TMEM161B: variants seen among roughly 807,000 people sequenced by gnomAD.
The protein encoded by TMEM161B is transmembrane protein 161B.
TMEM161B carries 34 observed loss-of-function variants against 61.8 expected under a neutral mutation model. The observed-to-expected ratio is 0.55, with a 90% CI of 0.42 to 0.73. The LOEUF (loss-of-function observed/expected upper bound fraction) is 0.73. Ranked by LOEUF, TMEM161B falls within the 30% of genes least tolerant of loss-of-function variation. TMEM161B has a pLI of 0.00. For synonymous variants in TMEM161B, 167 were observed against 192.8 expected (o/e 0.87, Z 1.11); for missense variants, 456 against 558.5 (o/e 0.82, Z 1.85).
intron 1 of TMEM161B, among the ~76,000 whole-genome samples, chr5:88,263,947 T>C (rs937263841): frequency 1.3e-5 from 2 of 152,060 alleles, no homozygotes; most frequent in African/African-American, 4.8e-5. Context: ...AACCTGAATG[T>C]TTCCTCTAAA....
chr5:88,233,139 G>T (rs1025179009), intron 2 of TMEM161B, among the ~76,000 whole-genome samples: 1 of 152,198 alleles, frequency 6.6e-6, no homozygotes, highest in African/African-American at 2.4e-5. Context: ...GCTAGGCAGA[G>T]GAGATATAAT....
downstream of TMEM161B, chr5:88,189,631 T>C (rs1002734849): frequency 1.3e-5 from 2 of 158,612 alleles, no homozygotes; most frequent in Non-Finnish European, 2.8e-5. Context: ...AGGGCATCTC[T>C]CATTTACCCA....
At chr5:88,253,817 A>G (rs1216996517) in intron 1 of TMEM161B, among the ~76,000 whole-genome samples, 2 of 152,118 alleles carry the variant, frequency 1.3e-5, no homozygotes, top group South Asian at 2.1e-4. Flanking sequence ...CAAAAGCAAA[A>G]TTTTTAAAAT....
At chr5:88,231,647 G>A (rs1425062792) in intron 2 of TMEM161B, among the ~76,000 whole-genome samples, 1 of 152,094 alleles carries the variant, frequency 6.6e-6, no homozygotes, top group East Asian at 1.9e-4. Flanking sequence ...CAACCTAAAA[G>A]TCCCTAAATT....
intron 2 of TMEM161B, among the ~76,000 whole-genome samples, chr5:88,239,341 C>T (rs552290909): frequency 7.2e-5 from 11 of 152,024 alleles, no homozygotes; most frequent in South Asian, 4.1e-4. Flanking sequence ...TTTAGAAACA[C>T]GCAATTCTCA....
intron 4 of TMEM161B, among the ~76,000 whole-genome samples, chr5:88,222,243 A>AT (rs1197446002): frequency 1.3e-5 from 2 of 151,914 alleles, no homozygotes; most frequent in Admixed American, 1.3e-4. Flanking sequence ...TAATTTTTTA[A>AT]TTTTTTGTAC....
At chr5:88,238,204 A>G (rs1006598580) in intron 2 of TMEM161B, among the ~76,000 whole-genome samples, 1 of 151,888 alleles carries the variant, frequency 6.6e-6, no homozygotes, top group Non-Finnish European at 1.5e-5. Context: ...AGTATTTTTG[A>G]TCCATGATTG....
Position 88,195,097 on chromosome 5 carries a change from T to C in TMEM161B, c.*1114A>G. On this transcript the variant is annotated 3_prime_UTR_variant, in exon 12 of 12. Transcript: ENST00000296595. Reference sequence around the variant, plus strand: ...CTGATTTGAGAGGGAAAGATTCTGATTTTTGGAAATGACAGAAAAAGAATT... The same window carrying C: ...CTGATTTGAGAGGGAAAGATTCTGACTTTTGGAAATGACAGAAAAAGAATT... The C allele has an allele frequency of 1.0e-6, 1 of 969,282 alleles. No individual in the cohort carries two copies. Among genetic ancestry groups the C allele is most frequent in the Non-Finnish European group, 1.2e-6 (1 of 815,014 alleles). 60.0% of individuals were successfully genotyped at this position (969,282 alleles called of 1,614,324 possible).
At chr5:88,247,995 T>C (rs758155462) in intron 1 of TMEM161B, among the ~76,000 whole-genome samples, 4 of 152,070 alleles carry the variant, frequency 2.6e-5, no homozygotes, top group Non-Finnish European at 5.9e-5. Flanking sequence ...GAGGATTCTA[T>C]GAGAAATTAT....
At chr5:88,199,204 G>A in intron 9 of TMEM161B, 54 bp from the exon 10 acceptor site, 1 of 1,512,958 alleles carries the variant, frequency 6.6e-7, no homozygotes, top group Admixed American at 2.1e-5. Context: ...ATGCTAGCAT[G>A]CTCGTTATAT....
Position 88,199,032 on chromosome 5 carries a change from C to T in TMEM161B, c.1033G>A (p.Val345Met). 6.2e-7 allele frequency: 1 copy of T among 1,613,110 alleles called. No individual in the cohort carries two copies. Among genetic ancestry groups the T allele is most frequent in the Non-Finnish European group, 8.5e-7 (1 of 1,179,470 alleles). Residue 345 changes from valine to methionine, a missense_variant, in exon 10 of 12, where the codon GTG becomes ATG. Transcript: ENST00000296595. Reference sequence around the variant, plus strand: ...CCCGCTTCTTTCTTCATCTGATCCACACATTTTTGGGCTAAATTTAAATAA... The same window carrying T: ...CCCGCTTCTTTCTTCATCTGATCCATACATTTTTGGGCTAAATTTAAATAA... ...QAYLNLAQKC[V>M]DQMKKEAGRI...
At chr5:88,258,572 T>C (rs1464179349) in intron 1 of TMEM161B, among the ~76,000 whole-genome samples, 1 of 152,160 alleles carries the variant, frequency 6.6e-6, no homozygotes, top group Non-Finnish European at 1.5e-5. Flanking sequence ...ACACGAATAC[T>C]TAAATACATA....
chr5:88,261,568 A>T (rs1009409150), intron 1 of TMEM161B, among the ~76,000 whole-genome samples: 24 of 152,132 alleles, frequency 1.6e-4, no homozygotes, highest in African/African-American at 5.8e-4. Flanking sequence ...TTATTGATGA[A>T]AGAAGAAATA....
At chr5:88,230,218 T>C (rs933676326) in intron 2 of TMEM161B, among the ~76,000 whole-genome samples, 2 of 151,888 alleles carry the variant, frequency 1.3e-5, no homozygotes, top group Non-Finnish European at 1.5e-5. Flanking sequence ...ACAAAAAAAC[T>C]GCAACAACTG....
chr5:88,227,639 A>T (rs1181299264), intron 3 of TMEM161B, among the ~76,000 whole-genome samples: 1 of 152,210 alleles, frequency 6.6e-6, no homozygotes, highest in Non-Finnish European at 1.5e-5. Flanking sequence ...ATTAATGTTT[A>T]ATCATTTTTT....
intron 10 of TMEM161B, chr5:88,198,766 G>A (rs564900200): frequency 2.8e-4 from 144 of 515,024 alleles, no homozygotes; most frequent in Non-Finnish European, 4.6e-4. Context: ...ATGACACCAA[G>A]CACTTAAGGC....
At chr5:88,267,022 A>T (rs1484294665) in intron 1 of TMEM161B, among the ~76,000 whole-genome samples, 3 of 152,250 alleles carry the variant, frequency 2.0e-5, no homozygotes, top group Admixed American at 6.5e-5. Flanking sequence ...GAACAAGTTC[A>T]TGTTCAGCTT....
chr5:88,220,734 A>C lies in TMEM161B; in HGVS notation c.290-15T>G. Reference sequence around the variant, plus strand: ...GTAATGCAATGCTGGAAAGAAAAAAAAAAAAAAAAAAAAAAAAGGTCAAAA... The same window carrying C: ...GTAATGCAATGCTGGAAAGAAAAAACAAAAAAAAAAAAAAAAAGGTCAAAA... On this transcript the variant is annotated splice_polypyrimidine_tract_variant and intron_variant, in intron 4 of 11. Coordinates refer to ENST00000296595, the MANE Select transcript of TMEM161B (RefSeq NM_153354.5). 1.3e-6 allele frequency: 2 copies of C among 1,505,882 alleles called. No individual in the cohort carries two copies. The highest frequency in any genetic ancestry group is 1.8e-6 in the Non-Finnish European group (2 of 1,132,064). 93.3% of individuals were successfully genotyped at this position (1,505,882 alleles called of 1,614,324 possible). A position where few individuals can be genotyped will look rare whatever the true frequency, so the allele number is the denominator to read the frequency against.
intron 1 of TMEM161B, among the ~76,000 whole-genome samples, chr5:88,243,429 T>C (rs574998685): frequency 6.6e-6 from 1 of 151,952 alleles, no homozygotes; most frequent in South Asian, 2.1e-4. Flanking sequence ...CCCATTCTTT[T>C]AATGGCTGGA....
Sources: allele counts gnomAD v4.1 joint callset (sites outside exome capture counted in the v4.1 genomes callset), GRCh38; gene constraint gnomAD v4.1.1; transcripts MANE v1.5; gene names NCBI Gene and HGNC (gene_info 2026-07-23, HGNC 2026-07-21).